ZNF516: variants seen among roughly 807,000 people sequenced by gnomAD.
ZNF516 encodes zinc finger protein 516.
In ZNF516, 19 loss-of-function variants were observed where a neutral mutation model predicts 79.7. The ratio of observed to expected loss-of-function variants is 0.24; its 90% CI spans 0.17 to 0.35. The LOEUF is 0.35. Among genes scored for constraint, ZNF516 ranks in the 10% least tolerant of loss-of-function variants. ZNF516 has a pLI of 1.00. For synonymous variants in ZNF516, 877 were observed against 739.5 expected (o/e 1.19, Z -3.02); for missense variants, 1,678 against 1,679.5 (o/e 1.00, Z 0.02).
chr18:76,495,839 T>C (rs902324443), upstream of ZNF516: 1 of 822,184 alleles, frequency 1.2e-6, no homozygotes, highest in Non-Finnish European at 1.6e-6. Flanking sequence ...AACTTCCTGG[T>C]AAATGCCTCT....
chr18:76,399,368 G>C (rs1431117708), intron 3 of ZNF516, among the ~76,000 whole-genome samples: 1 of 152,232 alleles, frequency 6.6e-6, no homozygotes, highest in Non-Finnish European at 1.5e-5. Flanking sequence ...TAAAAATGCA[G>C]AGGGCTTTAA....
In ZNF516 at chr18:76,443,205, C is replaced by G; in HGVS notation, c.-151G>C. 1 of 1,189,746 alleles carries G rather than the reference C, an allele frequency of 8.4e-7. No individual in the cohort carries two copies. The highest frequency in any genetic ancestry group is 3.1e-5 in the Admixed American group (1 of 32,462). 73.7% of individuals were successfully genotyped at this position (1,189,746 alleles called of 1,614,324 possible). On this transcript the variant is annotated 5_prime_UTR_variant, in exon 3 of 7. Transcript: ENST00000443185. ...ACATGGGGGGCGCAGCAGCTGGCAG[C>G]CAGCACCTGAAACAGAGATGGAACA...
chr18:76,397,398 A>G (rs1289197006), intron 3 of ZNF516, among the ~76,000 whole-genome samples: 8 of 152,258 alleles, frequency 5.3e-5, no homozygotes, highest in Non-Finnish European at 8.8e-5. Context: ...GAATGACAAG[A>G]AAATGCCAGG....
At chr18:76,462,331 A>G (rs1330830414) in intron 2 of ZNF516, among the ~76,000 whole-genome samples, 1 of 152,184 alleles carries the variant, frequency 6.6e-6, no homozygotes, top group Non-Finnish European at 1.5e-5. Flanking sequence ...GAAGAACAAC[A>G]CAAGACAGTT....
rs1015464314 is a variant in ZNF516 at position 76,379,552 on chromosome 18, C to G, written c.2562G>C (p.Leu854=). 4 of 1,613,578 alleles carry G rather than the reference C, an allele frequency of 2.5e-6. No individual in the cohort carries two copies. The highest frequency in any genetic ancestry group is 3.4e-6 in the Non-Finnish European group (4 of 1,179,906). The change falls in exon 4 of 7, where the codon CTG becomes CTC. Residue 854 remains leucine, a synonymous_variant. Transcript: ENST00000443185. ...TGCTAGCGGCTTTTGTGACCACTCC[C>G]AGGGGAGAAGAGCCACTTTTGGACC... ...MPGSKSGSSP[L]GVVTKAASMP... is the part of the protein sequence containing the mutation.
At chr18:76,450,194 G>GGGGGTGGT (rs1912317413) in intron 2 of ZNF516, among the ~76,000 whole-genome samples, 1 of 131,942 alleles carries the variant, frequency 7.6e-6, no homozygotes, top group African/African-American at 2.8e-5. Flanking sequence ...AGGGGGGGGG[G>GGGGGTGGT]TGTTTATTTC....
At chr18:76,495,271 GCGGGGGACGCGCGAGGGCGCGCGGGGCC>G (rs1335676627), upstream of ZNF516, 1 of 145,252 alleles carries the variant, frequency 6.9e-6, no homozygotes, top group Non-Finnish European at 1.5e-5. Flanking sequence ...GCGCCCGGGC[GCGGGGGACGCGCGAGGGCGCGCGGGGCC>G]CGCCACGCGC....
intron 3 of ZNF516, among the ~76,000 whole-genome samples, chr18:76,405,046 G>A (rs530913888): frequency 6.6e-6 from 1 of 152,272 alleles, no homozygotes; most frequent in East Asian, 1.9e-4. Context: ...GACCTCAGGT[G>A]CTGGGCCCAT....
chr18:76,420,603 A>G (rs899046156), intron 3 of ZNF516, among the ~76,000 whole-genome samples: 1 of 152,200 alleles, frequency 6.6e-6, no homozygotes, highest in African/African-American at 2.4e-5. Flanking sequence ...TATTCTAAGT[A>G]GGACAGATGA....
At chr18:76,400,143 T>C (rs1031898966) in intron 3 of ZNF516, among the ~76,000 whole-genome samples, 1 of 151,858 alleles carries the variant, frequency 6.6e-6, no homozygotes, top group African/African-American at 2.4e-5. Context: ...AGTGAGCAAC[T>C]GGAAGGGGAG....
rs752799661 is a variant in ZNF516, at chr18:76,440,734, GTGTGTGTT to G, written c.1810+503_1810+510del. ...AGCTGGAGTGGAGGAAAGTGTGTGT[GTGTGTGTT>G]TGTGTGTGTGTGTGTGTGTGCGCGC... On this transcript the variant is annotated intron_variant, in intron 3 of 6. Transcript: ENST00000443185. 7.9e-3 allele frequency among the ~76,000 whole-genome samples: 528 copies of G among 66,942 alleles called. 1 individual carries two copies. Among genetic ancestry groups the G allele is most frequent in the Non-Finnish European group, 0.013 (403 of 30,434 alleles). 43.9% of individuals were successfully genotyped at this position (66,942 alleles called of 152,430 possible).
intron 6 of ZNF516, among the ~76,000 whole-genome samples, chr18:76,367,263 G>A (rs1276051921): frequency 1.3e-5 from 2 of 151,954 alleles, no homozygotes; most frequent in Non-Finnish European, 2.9e-5. Flanking sequence ...GCTCTCTCCG[G>A]CCCCATGCCA....
chr18:76,494,560 G>C (rs899970372), intron 1 of ZNF516, among the ~76,000 whole-genome samples: 29 of 150,614 alleles, frequency 1.9e-4, no homozygotes, highest in Admixed American at 2.6e-4. Context: ...GGAGGGGGCC[G>C]TAAAAAACAA....
chr18:76,396,183 T>C (rs2075144179), intron 3 of ZNF516, among the ~76,000 whole-genome samples: 1 of 152,162 alleles, frequency 6.6e-6, no homozygotes, highest in South Asian at 2.1e-4. Flanking sequence ...ACACCCCTCC[T>C]TCACTTTCTT....
chr18:76,364,769 C>T (rs900472090), intron 6 of ZNF516, among the ~76,000 whole-genome samples: 2 of 152,190 alleles, frequency 1.3e-5, no homozygotes, highest in Non-Finnish European at 2.9e-5. Context: ...TGGTCAGCCA[C>T]GCAGGCAATG....
chr18:76,490,436 G>T (rs897682977), intron 1 of ZNF516, among the ~76,000 whole-genome samples: 2 of 152,192 alleles, frequency 1.3e-5, no homozygotes, highest in Non-Finnish European at 2.9e-5. Context: ...ATGATAAAAT[G>T]AGCTCTTTTT....
At position 76,489,156 on chromosome 18, in the gene ZNF516, C is replaced by T. The variant is rs554713279; in HGVS notation, c.-272+5988G>A. Reference sequence around the variant, plus strand: ...CCCACCAAATTCTTTTTAAAAGATTCCTTCTCTTAAATTATAAATAAGACC... The same window carrying T: ...CCCACCAAATTCTTTTTAAAAGATTTCTTCTCTTAAATTATAAATAAGACC... On this transcript the variant is annotated intron_variant, in intron 1 of 6. Coordinates refer to ENST00000443185, the MANE Select transcript of ZNF516 (RefSeq NM_014643.4). Among the ~76,000 whole-genome samples the T allele has an allele frequency of 1.3e-4, 20 of 152,286 alleles. No homozygotes were observed. The South Asian group carries it at 3.7e-3, about 28-fold the overall frequency.
rs747689203 is a variant in ZNF516 at position 76,380,143 on chromosome 18, G to T, written c.1971C>A (p.Ser657Arg). Reference sequence around the variant, plus strand: ...GCTCTTGCCTTCTAGAAGTCTCTCTGCTACTGTTTTCAAGTATGGACACAG... The same window carrying T: ...GCTCTTGCCTTCTAGAAGTCTCTCTTCTACTGTTTTCAAGTATGGACACAG... ...AASVSILENS[S>R]RETSRRQEQH... Residue 657 changes from serine to arginine, a missense_variant, in exon 4 of 7, where the codon AGC (serine) becomes AGA (arginine). Physicochemically the swap from Ser to Arg is moderately radical, Grantham distance 110 (BLOSUM62 -1). Transcript: ENST00000443185. 4.3e-6 allele frequency: 7 copies of T among 1,613,876 alleles called. No homozygotes were observed. The Admixed American group carries it at 1.2e-4, about 27-fold the overall frequency.
rs1369439266 is a variant in ZNF516 at position 76,451,674 on chromosome 18, G to GT, written c.-157-8464dup. Among the ~76,000 whole-genome samples, 18 of 152,224 alleles carry GT rather than the reference G, an allele frequency of 1.2e-4. No individual in the cohort carries two copies. Among genetic ancestry groups the GT allele is most frequent in the African/African-American group, 3.6e-4 (15 of 41,460 alleles). On this transcript the variant is annotated intron_variant, in intron 2 of 6. Transcript: ENST00000443185. This position sits in a 1 kb window ranked among gnomAD's most constrained non-coding sequence, Gnocchi z 6.0. ...TGAGTGGGTGCAAGGCCCAGTTGGTGTTTGAGTATACTGTGTGTGTTTGTT... is the reference window on the plus strand; with the variant it reads ...TGAGTGGGTGCAAGGCCCAGTTGGTGTTTTGAGTATACTGTGTGTGTTTGTT...
Sources: allele counts gnomAD v4.1 joint callset (sites outside exome capture counted in the v4.1 genomes callset), GRCh38; gene constraint gnomAD v4.1.1; non-coding constraint Gnocchi (gnomAD v3.1); transcripts MANE v1.5; gene names NCBI Gene and HGNC (gene_info 2026-07-23, HGNC 2026-07-21).